Variants in NARS2 observed in about 807,000 individuals in gnomAD.
NARS2 encodes asparaginyl-tRNA synthetase.
A neutral mutation model predicts 62.9 loss-of-function variants in NARS2; 60 were observed. The observed-to-expected ratio is 0.95, with a 90% CI of 0.77 to 1.18. NARS2 has a LOEUF of 1.18. Among genes scored for constraint, NARS2 ranks in the 50% most tolerant of loss-of-function variants. The probability of loss-of-function intolerance (pLI) is 0.00; values close to 1 mark genes in which losing one functional copy is unlikely to be tolerated. For missense variants in NARS2, 619 were observed against 576.4 expected (o/e 1.07, Z -0.76); for synonymous variants, 196 against 200.0 (o/e 0.98, Z 0.17).
At chr11:78,469,114 G>T in intron 10 of NARS2, 133 bp downstream of exon 10, 1 of 622,088 alleles carries the variant, frequency 1.6e-6, no homozygotes, top group Non-Finnish European at 2.9e-6. Context: ...TTAAGTCTGT[G>T]TACAAATGAG....
intron 11 of NARS2, among the ~76,000 whole-genome samples, chr11:78,465,529 C>T (rs1185778472): frequency 7.9e-5 from 12 of 152,380 alleles, no homozygotes; most frequent in Admixed American, 2.0e-4. Context: ...CTAACCAGTA[C>T]TTCACCACAG....
intron 5 of NARS2, among the ~76,000 whole-genome samples, chr11:78,545,437 A>G (rs1228380041): frequency 6.6e-6 from 1 of 151,832 alleles, no homozygotes; most frequent in South Asian, 2.1e-4. Context: ...CAGCCACAGA[A>G]TCTTTGTACT....
chr11:78,463,507 G>A (rs1419181681), intron 11 of NARS2, among the ~76,000 whole-genome samples: 3 of 152,112 alleles, frequency 2.0e-5, no homozygotes, highest in Admixed American at 1.3e-4. Context: ...CCAACATGGT[G>A]AAACCCTGTC....
chr11:78,552,890 T>C (rs1012975149), intron 5 of NARS2, among the ~76,000 whole-genome samples: 4 of 152,226 alleles, frequency 2.6e-5, no homozygotes, highest in Non-Finnish European at 4.4e-5. Flanking sequence ...CTTCCTAAAT[T>C]GACTGAGACT....
intron 5 of NARS2, among the ~76,000 whole-genome samples, chr11:78,545,947 C>A (rs1319926871): frequency 6.6e-6 from 1 of 152,160 alleles, no homozygotes; most frequent in Non-Finnish European, 1.5e-5. Context: ...CTTCGCAATA[C>A]AAATCACCAT....
intron 9 of NARS2, among the ~76,000 whole-genome samples, chr11:78,473,722 G>A (rs12289957): frequency 1.3e-5 from 2 of 152,202 alleles, no homozygotes; most frequent in Admixed American, 1.3e-4. Context: ...GGCTAAAGCA[G>A]ATATACTTCT....
rs575003804 is a variant in NARS2 at position 78,496,187 on chromosome 11, A to C, written c.690-2992T>G. ...TGAAAAATTGCGTAAGAAAGCATCT[A>C]ATCTTTAAGCAGATGAATGTTTAAA... On this transcript the variant is annotated intron_variant, in intron 6 of 13. Coordinates refer to ENST00000281038, the MANE Select transcript of NARS2 (RefSeq NM_024678.6). Among the ~76,000 whole-genome samples, 3 of 152,340 alleles carry C rather than the reference A, an allele frequency of 2.0e-5. No homozygotes were observed. The South Asian group carries it at 6.2e-4, about 32-fold the overall frequency.
At chr11:78,489,509 A>C (rs1324333350) in intron 7 of NARS2, among the ~76,000 whole-genome samples, 1 of 152,220 alleles carries the variant, frequency 6.6e-6, no homozygotes, top group African/African-American at 2.4e-5. Flanking sequence ...AAAATGGAAC[A>C]GTCATTTTGG....
chr11:78,547,363 C>A (rs1239206674), intron 5 of NARS2, among the ~76,000 whole-genome samples: 1 of 151,848 alleles, frequency 6.6e-6, no homozygotes, highest in Non-Finnish European at 1.5e-5. Context: ...AACACAGGAC[C>A]CAATACTAAC....
intron 6 of NARS2, among the ~76,000 whole-genome samples, chr11:78,509,015 T>G (rs1260327947): frequency 1.3e-5 from 2 of 149,830 alleles, no homozygotes; most frequent in Non-Finnish European, 2.9e-5. Context: ...CTCAAGAGAC[T>G]GAAGCAGGAG....
chr11:78,574,497 C>CGCCCAGGCCCTCCGCGGGAGCA lies in NARS2; in HGVS notation c.-31_-10dup. On this transcript the variant is annotated 5_prime_UTR_variant, in exon 1 of 14. Coordinates refer to ENST00000281038, the MANE Select transcript of NARS2 (RefSeq NM_024678.6). ...CAGCGGACCCCCAGCATCCCGCGTC[C>CGCCCAGGCCCTCCGCGGGAGCA]GCCCAGGCCCTCCGCGGGAGCAGCC... 6.2e-7 allele frequency: 1 copy of CGCCCAGGCCCTCCGCGGGAGCA among 1,605,490 alleles called. No homozygotes were observed. The highest frequency in any genetic ancestry group is 8.5e-7 in the Non-Finnish European group (1 of 1,176,560).
At chr11:78,486,679 C>T (rs1409160828) in intron 7 of NARS2, among the ~76,000 whole-genome samples, 1 of 152,028 alleles carries the variant, frequency 6.6e-6, no homozygotes, top group Non-Finnish European at 1.5e-5. Context: ...AGTGTCAGAA[C>T]ACAACATTAA....
chr11:78,500,512 C>T (rs1045886217), intron 6 of NARS2, among the ~76,000 whole-genome samples: 6 of 152,018 alleles, frequency 3.9e-5, no homozygotes, highest in Non-Finnish European at 7.4e-5. Flanking sequence ...CTTGCTCTAT[C>T]ACCCAGGCTG....
rs780545570 is a variant in NARS2 at position 78,528,909 on chromosome 11, C to T, written c.622G>A (p.Glu208Lys). The change falls in exon 6 of 14, where the codon GAG becomes AAG. Residue 208 changes from glutamate (E) to lysine (K), a missense_variant. Coordinates refer to ENST00000281038, the MANE Select transcript of NARS2 (RefSeq NM_024678.6). The stretch of plus-strand genomic sequence containing the variant: ...AAAGCAGGAACATTGAAGAAATTCT[C>T]CTCAGGTACCTTAAGTTTGCCTGAA... ...EPSGKLKVPE[E>K]NFFNVPAFLT... 1 of 1,612,412 alleles carries T rather than the reference C, an allele frequency of 6.2e-7. No individual in the cohort carries two copies. The highest frequency in any genetic ancestry group is 8.5e-7 in the Non-Finnish European group (1 of 1,179,100).
chr11:78,468,449 G>A (rs374655223), intron 10 of NARS2, among the ~76,000 whole-genome samples: 5 of 145,172 alleles, frequency 3.4e-5, no homozygotes, highest in South Asian at 2.2e-4. Flanking sequence ...CGCTGTTGCC[G>A]AGGCTGGAAT....
intron 9 of NARS2, among the ~76,000 whole-genome samples, chr11:78,474,896 G>T (rs7105166): frequency 1.3e-5 from 2 of 151,690 alleles, no homozygotes; most frequent in African/African-American, 4.9e-5. Flanking sequence ...CATATCTATC[G>T]TCTCACATGC....
Position 78,563,651 on chromosome 11 carries a change from T to C in NARS2, c.513+2481A>G, listed in dbSNP as rs1303597785. 2.0e-5 allele frequency among the ~76,000 whole-genome samples: 3 copies of C among 149,462 alleles called. No homozygotes were observed. In the East Asian group the frequency reaches 6.4e-4, roughly 32 times the overall value. ...AGTTAGACCAGCCTGGCCAACATAG[T>C]GAAACCCCGTCTCTACTAAAAATAC... On this transcript the variant is annotated intron_variant, in intron 4 of 13. Coordinates refer to ENST00000281038, the MANE Select transcript of NARS2 (RefSeq NM_024678.6).
At chr11:78,451,212 T>A (rs12290215) in intron 11 of NARS2, among the ~76,000 whole-genome samples, 2,904 of 152,320 alleles carry the variant, frequency 0.019, 81 homozygotes, top group African/African-American at 0.059. Flanking sequence ...TCTTCTGGTA[T>A]ATCAAAAATA....
chr11:78,568,512 C>G, intron 3 of NARS2, 120 bp downstream of exon 3: 1 of 1,269,156 alleles, frequency 7.9e-7, no homozygotes, highest in African/African-American at 1.5e-5. Flanking sequence ...TGGCTTGTTT[C>G]AATTATCTGT....
Sources: gnomAD v4.1 joint callset for allele counts (sites outside exome capture counted in the v4.1 genomes callset) on GRCh38, gnomAD v4.1.1 for gene constraint, MANE v1.5 for transcripts, NCBI Gene and HGNC (gene_info 2026-07-23, HGNC 2026-07-21) for gene names.